NEO1: variants seen among roughly 807,000 people sequenced by gnomAD.
NEO1 encodes the protein neogenin 1.
In NEO1, 63 loss-of-function variants were observed where a neutral mutation model predicts 159.7. The observed-to-expected ratio is 0.39, with a 90% CI of 0.32 to 0.49. The LOEUF is 0.49. Among genes scored for constraint, NEO1 ranks in the 20% least tolerant of loss-of-function variants. The probability of loss-of-function intolerance (pLI) is 0.85; values close to 1 mark genes in which losing one functional copy is unlikely to be tolerated. For missense variants in NEO1, 1,615 were observed against 1,831.0 expected, an observed-to-expected ratio of 0.88 and a Z score of 2.15; for synonymous variants, 633 against 662.0, an observed-to-expected ratio of 0.96 and a Z score of 0.67.
intron 3 of NEO1, among the ~76,000 whole-genome samples, chr15:73,125,399 A>T (rs1391164775): frequency 2.0e-5 from 3 of 152,226 alleles, no homozygotes; most frequent in Non-Finnish European, 4.4e-5. Context: ...GCCTGGGCTT[A>T]TCACTGATTG....
chr15:73,172,073 G>A (rs763396849), intron 5 of NEO1, among the ~76,000 whole-genome samples: 2 of 152,168 alleles, frequency 1.3e-5, no homozygotes, highest in Admixed American at 6.5e-5. Flanking sequence ...AAAATAATAT[G>A]TGTGTAGGGT....
At chr15:73,128,557 A>C (rs1157007650) in intron 4 of NEO1, among the ~76,000 whole-genome samples, 1 of 152,232 alleles carries the variant, frequency 6.6e-6, no homozygotes, top group Non-Finnish European at 1.5e-5. Flanking sequence ...CTGGGAATAG[A>C]GTAGTGAACC....
chr15:73,302,381 C>A (rs1462973515), intron 28 of NEO1, among the ~76,000 whole-genome samples: 1 of 152,118 alleles, frequency 6.6e-6, no homozygotes, highest in Non-Finnish European at 1.5e-5. Context: ...TCATTGTGAC[C>A]CTGGGGAGTA....
At position 73,202,588 on chromosome 15, in the gene NEO1, C is replaced by CTT. The variant is rs146574876; in HGVS notation, c.1291+24162_1291+24163dup. Among the ~76,000 whole-genome samples the CTT allele has an allele frequency of 1.9e-3, 291 of 152,294 alleles. 8 individuals carry two copies. In the East Asian group the frequency reaches 0.044, roughly 23 times the overall value. ...TTGTTTTCTACCTCCTCCTCTCTGACTTACTTTCTTCTCCTGCTAATATTT... is the reference window on the plus strand; with the variant it reads ...TTGTTTTCTACCTCCTCCTCTCTGACTTTTACTTTCTTCTCCTGCTAATATTT... On this transcript the variant is annotated intron_variant, in intron 7 of 28. Coordinates refer to ENST00000261908, the MANE Select transcript of NEO1 (RefSeq NM_002499.4).
At chr15:73,075,574 A>G (rs2068731183) in intron 1 of NEO1, among the ~76,000 whole-genome samples, 1 of 152,300 alleles carries the variant, frequency 6.6e-6, no homozygotes, top group South Asian at 2.1e-4. Flanking sequence ...GGAACTCTGC[A>G]TCTAGAAGTA....
intron 26 of NEO1, among the ~76,000 whole-genome samples, chr15:73,295,125 A>AATATATATATATATGTATATATATAT (rs2042307232): frequency 1.0e-5 from 1 of 100,152 alleles, no homozygotes; most frequent in Admixed American, 9.7e-5. Context: ...CTAAATATTA[A>AATATATATATATATGTATATATATAT]ATATATATAT....
At chr15:73,092,322 A>T (rs2151451564) in intron 1 of NEO1, among the ~76,000 whole-genome samples, 1 of 152,338 alleles carries the variant, frequency 6.6e-6, no homozygotes, top group East Asian at 1.9e-4. Flanking sequence ...GATAATTAAG[A>T]GCTTTATTTT....
chr15:73,251,917 T>G (rs1425444202), intron 11 of NEO1, among the ~76,000 whole-genome samples: 1 of 152,202 alleles, frequency 6.6e-6, no homozygotes, highest in Non-Finnish European at 1.5e-5. Flanking sequence ...GTGTCTGCCA[T>G]GTAATGACCA....
intron 5 of NEO1, among the ~76,000 whole-genome samples, chr15:73,148,339 C>T (rs2033096910): frequency 6.6e-6 from 1 of 152,016 alleles, no homozygotes. Flanking sequence ...TAGTTAGGTT[C>T]CCCTTTCTTC....
At chr15:73,084,479 C>T (rs191440632) in intron 1 of NEO1, among the ~76,000 whole-genome samples, 32 of 152,286 alleles carry the variant, frequency 2.1e-4, no homozygotes, top group South Asian at 6.2e-4. Context: ...GGGAAGATTT[C>T]CTCCTTTTTA....
intron 7 of NEO1, among the ~76,000 whole-genome samples, chr15:73,204,005 C>T (rs2037065123): frequency 6.6e-6 from 1 of 152,010 alleles, no homozygotes; most frequent in African/African-American, 2.4e-5. Context: ...ACATTTCTTG[C>T]AGGGCAAATT....
chr15:73,295,009 T>C (rs1228366583), intron 26 of NEO1, among the ~76,000 whole-genome samples: 3 of 151,442 alleles, frequency 2.0e-5, no homozygotes, highest in Non-Finnish European at 4.4e-5. Flanking sequence ...CTGAGCAGTG[T>C]GGCTCATGCC....
At chr15:73,211,053 C>T (rs902248345) in intron 7 of NEO1, among the ~76,000 whole-genome samples, 4 of 152,096 alleles carry the variant, frequency 2.6e-5, no homozygotes, top group Non-Finnish European at 4.4e-5. Context: ...ACTTTAAATA[C>T]AGCATTTTTT....
intron 3 of NEO1, among the ~76,000 whole-genome samples, chr15:73,125,280 A>T (rs746546599): frequency 6.6e-6 from 1 of 152,224 alleles, no homozygotes; most frequent in Non-Finnish European, 1.5e-5. Context: ...ACAGAGGTGG[A>T]TTAATGTCAG....
chr15:73,184,187 C>T (rs2035784938), intron 7 of NEO1, among the ~76,000 whole-genome samples: 1 of 151,934 alleles, frequency 6.6e-6, no homozygotes, highest in South Asian at 2.1e-4. Context: ...CGGAGTTTCA[C>T]TCTTGTCGCC....
intron 25 of NEO1, 29 bp downstream of exon 25, chr15:73,289,267 G>A: frequency 6.3e-7 from 1 of 1,580,450 alleles, no homozygotes. Flanking sequence ...TTTCCTCAGT[G>A]CTACCAATCT....
intron 22 of NEO1, among the ~76,000 whole-genome samples, chr15:73,282,662 A>G (rs1322211851): frequency 6.6e-6 from 1 of 152,224 alleles, no homozygotes; most frequent in African/African-American, 2.4e-5. Flanking sequence ...AAGACTCTTT[A>G]TCTGTCTAAG....
At chr15:73,143,886 G>A (rs1010280593) in intron 5 of NEO1, among the ~76,000 whole-genome samples, 1 of 152,170 alleles carries the variant, frequency 6.6e-6, no homozygotes, top group Admixed American at 6.5e-5. Flanking sequence ...TTTACCAGTA[G>A]TATTTCTTAC....
In NEO1 at chr15:73,302,913, T is replaced by C; in HGVS notation, c.*217T>C. 1 of 513,406 alleles carries C rather than the reference T, an allele frequency of 1.9e-6. No individual in the cohort carries two copies. The highest frequency in any genetic ancestry group is 3.5e-6 in the Non-Finnish European group (1 of 283,332). The allele number at this position is 513,406 out of a possible 1,614,324, so 31.8% of individuals were successfully genotyped here. On this transcript the variant is annotated 3_prime_UTR_variant, in exon 29 of 29. Transcript: ENST00000261908. ...AAGCCTGTGTCGAGGCAGCTTCCCT[T>C]TGCCTGCTGATATTCTGCAGGACTG...
Sources: allele counts gnomAD v4.1 joint callset (sites outside exome capture counted in the v4.1 genomes callset), GRCh38; gene constraint gnomAD v4.1.1; transcripts MANE v1.5; gene names NCBI Gene and HGNC (gene_info 2026-07-23, HGNC 2026-07-21).